The following ZNRF3 variants were observed in gnomAD, a reference collection of about 807,000 sequenced individuals.
The protein encoded by ZNRF3 is zinc and ring finger 3.
ZNRF3 carries 23 observed loss-of-function variants against 72.5 expected under a neutral mutation model. The observed-to-expected ratio is 0.32, with a 90% CI of 0.23 to 0.45. ZNRF3 has a LOEUF of 0.45. ZNRF3 is among the 20% of genes least tolerant of loss of function. The pLI is 1.00. For missense variants in ZNRF3, 1,169 were observed against 1,272.1 expected (o/e 0.92, Z 1.23); for synonymous variants, 610 against 545.3 (o/e 1.12, Z -1.65).
intron 2 of ZNRF3, among the ~76,000 whole-genome samples, chr22:28,995,777 CTT>C (rs534731089): frequency 1.2e-4 from 17 of 141,854 alleles, no homozygotes; most frequent in African/African-American, 3.9e-4. Flanking sequence ...TCAAAACTGC[CTT>C]TTTTTTTTTT....
At chr22:28,980,163 T>C (rs2123821599) in intron 1 of ZNRF3, among the ~76,000 whole-genome samples, 1 of 148,954 alleles carries the variant, frequency 6.7e-6, no homozygotes, top group Middle Eastern at 3.4e-3. Context: ...AAAATCCATA[T>C]GGAAAACAGA....
At chr22:28,957,096 A>G (rs898109763) in intron 1 of ZNRF3, among the ~76,000 whole-genome samples, 8 of 152,254 alleles carry the variant, frequency 5.3e-5, no homozygotes, top group Admixed American at 2.0e-4. Context: ...AAAGCAGTGT[A>G]GATTTACACA....
At chr22:28,885,818 AT>A (rs933516943) in intron 1 of ZNRF3, among the ~76,000 whole-genome samples, 1 of 151,956 alleles carries the variant, frequency 6.6e-6, no homozygotes, top group African/African-American at 2.4e-5. Flanking sequence ...ATTTGTAACT[AT>A]TTTATCCTTG....
intron 8 of ZNRF3, among the ~76,000 whole-genome samples, chr22:29,052,802 T>C (rs1373771203): frequency 6.6e-6 from 1 of 151,710 alleles, no homozygotes; most frequent in Non-Finnish European, 1.5e-5. Context: ...AGAATGACCC[T>C]ATCTCTTAAA....
intron 1 of ZNRF3, among the ~76,000 whole-genome samples, chr22:28,914,838 G>C (rs1262347282): frequency 6.6e-6 from 1 of 151,694 alleles, no homozygotes; most frequent in Non-Finnish European, 1.5e-5. Flanking sequence ...AAAAAATTAG[G>C]TTAACCTACC....
chr22:28,977,836 A>G (rs1397715387), intron 1 of ZNRF3, among the ~76,000 whole-genome samples: 1 of 152,248 alleles, frequency 6.6e-6, no homozygotes, highest in African/African-American at 2.4e-5. Context: ...CCTTTCAGAC[A>G]TGTGGAAAGT....
chr22:28,959,622 C>T (rs1471752844), intron 1 of ZNRF3, among the ~76,000 whole-genome samples: 1 of 152,218 alleles, frequency 6.6e-6, no homozygotes, highest in Non-Finnish European at 1.5e-5. Context: ...GTCATGTAGA[C>T]AAGTATGATG....
intron 2 of ZNRF3, among the ~76,000 whole-genome samples, chr22:28,987,993 C>T (rs2035887199): frequency 6.6e-6 from 1 of 152,066 alleles, no homozygotes; most frequent in Non-Finnish European, 1.5e-5. Context: ...GACTTTTTAG[C>T]CAAGAGGGTC....
chr22:28,974,599 A>G (rs1425618441), intron 1 of ZNRF3, among the ~76,000 whole-genome samples: 1 of 152,216 alleles, frequency 6.6e-6, no homozygotes, highest in Non-Finnish European at 1.5e-5. Context: ...TTAAGTTTGT[A>G]AATTCTTTGT....
Position 29,034,868 on chromosome 22 carries a change from G to A in ZNRF3, c.427-7627G>A, listed in dbSNP as rs544261382. Among the ~76,000 whole-genome samples the A allele has an allele frequency of 6.6e-5, 10 of 152,294 alleles. No individual in the cohort carries two copies. In the South Asian group the frequency reaches 1.9e-3, roughly 28 times the overall value. On this transcript the variant is annotated intron_variant, in intron 2 of 8. Transcript: ENST00000544604. ...GTGACCACGCTTGCTGCCGGCTGCT[G>A]TATGAGTCCCCAGGGTCTAGAACAC...
intron 1 of ZNRF3, among the ~76,000 whole-genome samples, chr22:28,889,016 G>T (rs1273645312): frequency 6.6e-6 from 1 of 152,168 alleles, no homozygotes; most frequent in East Asian, 1.9e-4. Context: ...TCAGGAGGCT[G>T]AGGCAGGAGA....
At chr22:28,986,264 G>A (rs931276162) in intron 1 of ZNRF3, among the ~76,000 whole-genome samples, 4 of 152,142 alleles carry the variant, frequency 2.6e-5, no homozygotes, top group African/African-American at 9.7e-5. Flanking sequence ...ATCTAAAGAC[G>A]TATTTCTTCC....
intron 2 of ZNRF3, chr22:29,018,202 G>A (rs2036470430): frequency 8.8e-6 from 3 of 339,064 alleles, no homozygotes; most frequent in East Asian, 1.5e-4. Flanking sequence ...TGTATGGAAT[G>A]AACTGGAAAA....
At chr22:29,045,362 CAAAAAA>C (rs59285656) in intron 5 of ZNRF3, among the ~76,000 whole-genome samples, 2 of 97,602 alleles carry the variant, frequency 2.0e-5, no homozygotes, top group Admixed American at 1.1e-4. Flanking sequence ...CCCTGTCTCA[CAAAAAA>C]AAAAAAAAAA....
chr22:29,049,693 T>C lies in ZNRF3; in HGVS notation c.1512T>C (p.Ser504=). Residue 504 remains serine (S), a synonymous_variant, in exon 8 of 9, where the codon AGT becomes AGC. Coordinates refer to ENST00000544604, the MANE Select transcript of ZNRF3 (RefSeq NM_001206998.2). This position sits in a 1 kb window ranked among gnomAD's most constrained non-coding sequence, Gnocchi z 5.2. ...GPARAFPPSG[S]GSLLFPTVVH... ...CCCGTGCCTTTCCTCCGAGCGGCAG[T>C]GGCAGCCTGCTCTTCCCCACCGTGG... is the stretch of plus-strand genomic sequence containing the variant. The C allele has an allele frequency of 6.2e-7, 1 of 1,606,488 alleles. No homozygotes were observed. The highest frequency in any genetic ancestry group is 8.5e-7 in the Non-Finnish European group (1 of 1,178,462).
intron 2 of ZNRF3, among the ~76,000 whole-genome samples, chr22:28,998,569 G>C (rs182018758): frequency 6.6e-6 from 1 of 152,286 alleles, no homozygotes; most frequent in East Asian, 1.9e-4. Context: ...CATGATGTAA[G>C]TGGAAAAACT....
intron 1 of ZNRF3, among the ~76,000 whole-genome samples, chr22:28,942,059 A>G (rs1261111665): frequency 1.3e-5 from 2 of 152,246 alleles, no homozygotes; most frequent in Non-Finnish European, 2.9e-5. Flanking sequence ...GTGCCATTTT[A>G]GTTTTGTCCT....
intron 2 of ZNRF3, among the ~76,000 whole-genome samples, chr22:29,021,102 A>T (rs1277256147): frequency 6.6e-6 from 1 of 151,848 alleles, no homozygotes; most frequent in Non-Finnish European, 1.5e-5. Context: ...GGCCTGTTTT[A>T]AAAATACTGT....
intron 2 of ZNRF3, 36 bp downstream of exon 2, chr22:28,987,237 G>A (rs376447879): frequency 1.3e-6 from 2 of 1,589,608 alleles, no homozygotes; most frequent in Non-Finnish European, 1.7e-6. Flanking sequence ...TGTGTTTCTG[G>A]TTGGTGTTTT....
Sources: gnomAD v4.1 joint callset for allele counts (sites outside exome capture counted in the v4.1 genomes callset) on GRCh38, gnomAD v4.1.1 for gene constraint, Gnocchi (gnomAD v3.1) non-coding constraint, MANE v1.5 for transcripts, NCBI Gene and HGNC (gene_info 2026-07-23, HGNC 2026-07-21) for gene names.